HIVEP2: variants seen among roughly 807,000 people sequenced by gnomAD.
HIVEP2 encodes the protein HIVEP zinc finger 2.
A neutral mutation model predicts 180.7 loss-of-function variants in HIVEP2; 14 were observed. The observed-to-expected ratio is 0.08, with a 90% CI of 0.05 to 0.12. The LOEUF is 0.12. HIVEP2 is among the 10% of genes least tolerant of loss of function. The pLI, the probability that HIVEP2 is intolerant of heterozygous loss-of-function variation, is 1.00. For missense variants in HIVEP2, 2,579 were observed against 3,008.5 expected, an observed-to-expected ratio of 0.86 and a Z score of 3.34; for synonymous variants, 1,184 against 1,136.4, an observed-to-expected ratio of 1.04 and a Z score of -0.84.
Position 142,761,531 on chromosome 6 carries a change from G to A in HIVEP2, c.5553C>T (p.His1851=). The change falls in exon 8 of 10, where the codon CAC becomes CAT. Residue 1851 remains histidine (H), a synonymous_variant. Transcript: ENST00000367603. ...NLTKHMKSKA[H]MKKCLELGVS... The stretch of plus-strand genomic sequence containing the variant: ...CTCCCAATTCCAGGCATTTTTTCAT[G>A]TGTGCTTTAGATTTCATATGCTTCG... 21 of 1,607,376 alleles carry A rather than the reference G, an allele frequency of 1.3e-5. No homozygotes were observed. Among genetic ancestry groups the A allele is most frequent in the Non-Finnish European group, 1.8e-5 (21 of 1,174,538 alleles).
intron 2 of HIVEP2, among the ~76,000 whole-genome samples, chr6:142,807,579 C>A (rs2114781584): frequency 6.6e-6 from 1 of 151,574 alleles, no homozygotes; most frequent in Admixed American, 6.6e-5. Context: ...AAAAGCACCC[C>A]AAACGCCTTA....
intron 1 of HIVEP2, among the ~76,000 whole-genome samples, chr6:142,886,428 T>C (rs1776700085): frequency 6.6e-6 from 1 of 152,212 alleles, no homozygotes; most frequent in African/African-American, 2.4e-5. Flanking sequence ...AAGCAGGTCG[T>C]TCACAGAACT....
intron 2 of HIVEP2, among the ~76,000 whole-genome samples, chr6:142,818,794 A>AAAG (rs1776944263): frequency 7.1e-6 from 1 of 141,030 alleles, no homozygotes; most frequent in African/African-American, 2.6e-5. Flanking sequence ...AGAAAGAAAA[A>AAAG]GAAAAGAAAA....
intron 1 of HIVEP2, among the ~76,000 whole-genome samples, chr6:142,904,203 G>A (rs1401627963): frequency 6.6e-6 from 1 of 152,170 alleles, no homozygotes; most frequent in East Asian, 1.9e-4. Flanking sequence ...AAATTACAAA[G>A]ATGAATTTGA....
intron 3 of HIVEP2, among the ~76,000 whole-genome samples, chr6:142,779,190 C>G (rs1025711915): frequency 6.6e-6 from 1 of 152,154 alleles, no homozygotes; most frequent in African/African-American, 2.4e-5. Context: ...CCCTGCTTCC[C>G]AAGTAGCTCC....
intron 9 of HIVEP2, among the ~76,000 whole-genome samples, chr6:142,757,414 A>C (rs1775104175): frequency 6.6e-6 from 1 of 152,214 alleles, no homozygotes; most frequent in Non-Finnish European, 1.5e-5. Flanking sequence ...TAATCCCAGC[A>C]CTTTGGGAGG....
chr6:142,905,792 C>T lies in HIVEP2; in HGVS notation c.-641+39307G>A, dbSNP rs559337298. ...GTCATGGTTTTAGAATATACAAGTC[C>T]GTAAGAATCCAAGCCACTTGACAGT... is the stretch of plus-strand genomic sequence containing the variant. On this transcript the variant is annotated intron_variant, in intron 1 of 9. Coordinates refer to ENST00000367603, the MANE Select transcript of HIVEP2 (RefSeq NM_006734.4). 5.9e-5 allele frequency among the ~76,000 whole-genome samples: 9 copies of T among 152,212 alleles called. No homozygotes were observed. In the South Asian group the frequency reaches 1.2e-3, roughly 21 times the overall value.
chr6:142,890,139 G>T (rs1388649784), intron 1 of HIVEP2, among the ~76,000 whole-genome samples: 26 of 152,166 alleles, frequency 1.7e-4, no homozygotes, highest in Admixed American at 1.7e-3. Flanking sequence ...CTCTGTTAAA[G>T]AAATCAGACC....
intron 3 of HIVEP2, among the ~76,000 whole-genome samples, chr6:142,780,143 T>G (rs978703264): frequency 6.6e-6 from 1 of 152,200 alleles, no homozygotes; most frequent in Non-Finnish European, 1.5e-5. Context: ...ATTATGCAAA[T>G]AGCTTCTGTC....
chr6:142,925,779 T>C (rs1319426843), intron 1 of HIVEP2, among the ~76,000 whole-genome samples: 3 of 152,230 alleles, frequency 2.0e-5, no homozygotes, highest in Non-Finnish European at 4.4e-5. Flanking sequence ...AAACATAGTG[T>C]ATGTTCCAAT....
At chr6:142,941,166 C>T (rs946678036) in intron 1 of HIVEP2, among the ~76,000 whole-genome samples, 3 of 152,160 alleles carry the variant, frequency 2.0e-5, no homozygotes, top group Admixed American at 6.5e-5. Flanking sequence ...AATGCAGTCA[C>T]GAAGCCAGTT....
At chr6:142,853,426 C>CT (rs2114931376) in intron 1 of HIVEP2, among the ~76,000 whole-genome samples, 1 of 152,332 alleles carries the variant, frequency 6.6e-6, no homozygotes, top group East Asian at 1.9e-4. Flanking sequence ...GAATCATACT[C>CT]TAACAGTTCA....
chr6:142,786,895 A>T (rs1225510109), intron 2 of HIVEP2, among the ~76,000 whole-genome samples: 1 of 152,220 alleles, frequency 6.6e-6, no homozygotes, highest in Non-Finnish European at 1.5e-5. Flanking sequence ...GAGGTTAAAT[A>T]AATACACACT....
At chr6:142,886,848 T>C (rs1776709640) in intron 1 of HIVEP2, among the ~76,000 whole-genome samples, 1 of 152,176 alleles carries the variant, frequency 6.6e-6, no homozygotes, top group Non-Finnish European at 1.5e-5. Flanking sequence ...AACAAGTAGT[T>C]AACAAAATGA....
At chr6:142,869,394 C>G (rs1288725806) in intron 1 of HIVEP2, among the ~76,000 whole-genome samples, 1 of 152,054 alleles carries the variant, frequency 6.6e-6, no homozygotes, top group Non-Finnish European at 1.5e-5. Flanking sequence ...TATATAGTAT[C>G]AACTATGTAC....
intron 1 of HIVEP2, among the ~76,000 whole-genome samples, chr6:142,892,436 C>A (rs1222180861): frequency 6.6e-6 from 1 of 152,158 alleles, no homozygotes; most frequent in Admixed American, 6.5e-5. Flanking sequence ...CCTGACCCCC[C>A]AAGAGTCTTT....
intron 1 of HIVEP2, among the ~76,000 whole-genome samples, chr6:142,883,613 A>C (rs1157295497): frequency 3.9e-5 from 6 of 152,194 alleles, no homozygotes; most frequent in Non-Finnish European, 8.8e-5. Flanking sequence ...CTTACAACGT[A>C]GGGCAAAGAA....
chr6:142,779,085 T>C (rs1022192402), intron 3 of HIVEP2, among the ~76,000 whole-genome samples: 1 of 152,194 alleles, frequency 6.6e-6, no homozygotes, highest in Admixed American at 6.5e-5. Context: ...TTTCTTTTGT[T>C]CTTTGAAAAT....
intron 1 of HIVEP2, among the ~76,000 whole-genome samples, chr6:142,854,874 G>A (rs750899385): frequency 1.8e-3 from 272 of 152,232 alleles, no homozygotes; most frequent in Non-Finnish European, 2.9e-3. Context: ...AAGTCCTACT[G>A]GGCCGGATGT....
Sources: gnomAD v4.1 joint callset for allele counts (sites outside exome capture counted in the v4.1 genomes callset) on GRCh38, gnomAD v4.1.1 for gene constraint, MANE v1.5 for transcripts, NCBI Gene and HGNC (gene_info 2026-07-23, HGNC 2026-07-21) for gene names.